RECQL: variants seen among roughly 807,000 people sequenced by gnomAD.
The protein encoded by RECQL is ATP-dependent DNA helicase Q1.
RECQL carries 73 observed loss-of-function variants against 75.8 expected under a neutral mutation model. That is an observed-to-expected ratio of 0.96 (90% CI 0.80 to 1.17). The LOEUF is 1.17. Among genes scored for constraint, RECQL ranks in the 50% most tolerant of loss-of-function variants. The pLI is 0.00. For missense variants in RECQL, 699 were observed against 772.1 expected (o/e 0.91, Z 1.12); for synonymous variants, 248 against 254.4 (o/e 0.97, Z 0.24).
rs1387312053 is a variant in RECQL, at chr12:21,490,080, C to G, written c.394+119G>C. ...AAATTTCTATTAATATAGAAGAAATCAAACAAAAATGCACTTGATTTTTAT... is the reference window on the plus strand; with the variant it reads ...AAATTTCTATTAATATAGAAGAAATGAAACAAAAATGCACTTGATTTTTAT... On this transcript the variant is annotated intron_variant, in intron 4 of 14. Transcript: ENST00000444129. 1.6e-5 allele frequency: 8 copies of G among 502,730 alleles called. No individual in the cohort carries two copies. The East Asian group carries it at 2.2e-4, about 14-fold the overall frequency. The allele number at this position is 502,730 out of a possible 1,614,324, so 31.1% of individuals were successfully genotyped here.
At chr12:21,474,050 G>A (rs950805407) in intron 11 of RECQL, among the ~76,000 whole-genome samples, 1 of 151,996 alleles carries the variant, frequency 6.6e-6, no homozygotes, top group African/African-American at 2.4e-5. Flanking sequence ...ACATATTCTT[G>A]ATAAACACTG....
chr12:21,499,407 G>C (rs558937022), intron 2 of RECQL, 148 bp downstream of exon 2: 2 of 687,050 alleles, frequency 2.9e-6, no homozygotes, highest in Admixed American at 3.1e-5. Flanking sequence ...TGGTTAGCAT[G>C]GCAAAGTTTG....
intron 5 of RECQL, among the ~76,000 whole-genome samples, chr12:21,485,762 A>T (rs148928308): frequency 2.3e-4 from 35 of 151,558 alleles, no homozygotes; most frequent in Non-Finnish European, 5.0e-4. Flanking sequence ...TATACAGATT[A>T]AAAAAAAAGA....
At chr12:21,490,440 A>G in intron 3 of RECQL, 62 bp from the exon 4 acceptor site, 1 of 1,116,172 alleles carries the variant, frequency 9.0e-7, no homozygotes, top group South Asian at 1.4e-5. Context: ...TTTGATAAGA[A>G]TGAGACAAAC....
rs1942894514 is a variant in RECQL, at chr12:21,469,999, A to C, written c.*195T>G. The C allele has an allele frequency of 1.4e-6, 1 of 698,032 alleles. No individual in the cohort carries two copies. Among genetic ancestry groups the C allele is most frequent in the South Asian group, 3.4e-5 (1 of 29,572 alleles). 43.2% of individuals were successfully genotyped at this position (698,032 alleles called of 1,614,324 possible). On this transcript the variant is annotated 3_prime_UTR_variant, in exon 15 of 15. Transcript: ENST00000444129. ...AAATTTTTCCCTTGTTTTATACTGG[A>C]AAATTATATAATTCATGATCTCTAA...
intron 2 of RECQL, among the ~76,000 whole-genome samples, chr12:21,498,404 T>C (rs1196444278): frequency 6.6e-6 from 1 of 152,182 alleles, no homozygotes; most frequent in Non-Finnish European, 1.5e-5. Context: ...AGTGAAATTT[T>C]TGCTTCCCAT....
intron 1 of RECQL, 66 bp from the exon 2 acceptor site, chr12:21,499,681 A>C: frequency 2.5e-6 from 2 of 791,768 alleles, no homozygotes; most frequent in Non-Finnish European, 4.2e-6. Flanking sequence ...ATGTTCACTC[A>C]ACAGTAATCT....
At chr12:21,479,068 G>T (rs889678645) in intron 6 of RECQL, among the ~76,000 whole-genome samples, 1 of 151,998 alleles carries the variant, frequency 6.6e-6, no homozygotes. Context: ...GCTCCGCCTC[G>T]TCCTCCTGCA....
chr12:21,470,820 T>C (rs1332193195), intron 14 of RECQL, 149 bp downstream of exon 14: 1 of 497,788 alleles, frequency 2.0e-6, no homozygotes, highest in Non-Finnish European at 3.2e-6. Flanking sequence ...CAGAAAACTA[T>C]ATTTTCTCTC....
intron 5 of RECQL, among the ~76,000 whole-genome samples, chr12:21,485,435 A>C (rs185612653): frequency 4.6e-4 from 70 of 152,096 alleles, no homozygotes; most frequent in African/African-American, 1.6e-3. Context: ...CAGTTAACCC[A>C]GTTTCTTCAA....
At position 21,498,211 on chromosome 12, in the gene RECQL, T is replaced by C. The variant is rs987683823; in HGVS notation, c.16+1344A>G. ...CAGCTAGCCTGAGAAAATAATGGAGTGGCATTTTGCAGACTCAATTATGCT... is the reference window on the plus strand; with the variant it reads ...CAGCTAGCCTGAGAAAATAATGGAGCGGCATTTTGCAGACTCAATTATGCT... On this transcript the variant is annotated intron_variant, in intron 2 of 14. Transcript: ENST00000444129. 3.0e-4 allele frequency among the ~76,000 whole-genome samples: 46 copies of C among 152,216 alleles called. 1 individual carries two copies. Among genetic ancestry groups the C allele is most frequent in the African/African-American group, 1.0e-3 (43 of 41,532 alleles).
intron 4 of RECQL, among the ~76,000 whole-genome samples, chr12:21,489,944 T>C (rs1018875008): frequency 2.0e-5 from 3 of 152,114 alleles, no homozygotes; most frequent in Admixed American, 2.0e-4. Flanking sequence ...CGATGGATCA[T>C]TAGAAGTCCA....
Position 21,490,222 on chromosome 12 carries a change from T to G in RECQL, c.371A>C (p.Gln124Pro), listed in dbSNP as rs1183902842. ...ACCATCTGAACATAATGCTGGTAAC[T>G]GGTAACATAAGCTCTTTCCACCTCC... The part of the protein sequence containing the change: ...PTGGGKSLCY[Q>P]LPALCSDGFT... The change falls in exon 4 of 15, where the codon CAG becomes CCG. Residue 124 changes from glutamine (Q) to proline (P), a missense_variant. By Grantham distance (76) the Gln-to-Pro change is moderately conservative. Transcript: ENST00000444129. 5 of 1,612,014 alleles carry G rather than the reference T, an allele frequency of 3.1e-6. No homozygotes were observed. Among genetic ancestry groups the G allele is most frequent in the Non-Finnish European group, 4.2e-6 (5 of 1,178,560 alleles).
At chr12:21,470,460 G>A (rs1942919871) in intron 14 of RECQL, 114 bp from the exon 15 acceptor site, 2 of 1,092,152 alleles carry the variant, frequency 1.8e-6, no homozygotes, top group Non-Finnish European at 1.3e-6. Flanking sequence ...GGCTTTTTAA[G>A]TATACAGGGG....
At chr12:21,499,486 AC>A in intron 2 of RECQL, 68 bp downstream of exon 2, 1 of 1,384,536 alleles carries the variant, frequency 7.2e-7, no homozygotes. Flanking sequence ...TTTAAAACAA[AC>A]TTTTTCAAAT....
rs766628859 is a variant in RECQL, at chr12:21,491,600, T to C, written c.133A>G (p.Lys45Glu). Residue 45 changes from lysine (K) to glutamate (E), a missense_variant, in exon 3 of 15, where the codon AAA (lysine) becomes GAA (glutamate). This residue lies in a region of RECQL where 669 missense variants were observed against 713.5 expected (regional missense o/e 0.94). Transcript: ENST00000444129. Reference sequence around the variant, plus strand: ...GAATCCTCTAAACACTGCTTTATTTTCTTTGTCAGGACTTTTTTTTTCTGA... The same window carrying C: ...GAATCCTCTAAACACTGCTTTATTTCCTTTGTCAGGACTTTTTTTTTCTGA... Reference protein sequence around the residue: ...LIQKKKVLTKKIKQCLEDSDA... With the variant: ...LIQKKKVLTKEIKQCLEDSDA... 1 of 1,613,952 alleles carries C rather than the reference T, an allele frequency of 6.2e-7. No homozygotes were observed. Among genetic ancestry groups the C allele is most frequent in the Non-Finnish European group, 8.5e-7 (1 of 1,179,850 alleles).
At chr12:21,498,163 C>G (rs1446069223) in intron 2 of RECQL, among the ~76,000 whole-genome samples, 2 of 152,196 alleles carry the variant, frequency 1.3e-5, no homozygotes, top group Non-Finnish European at 2.9e-5. Flanking sequence ...ACTGGTCTAA[C>G]TATGTTCACC....
chr12:21,485,210 CAAAAAA>C (rs60867895), intron 5 of RECQL, among the ~76,000 whole-genome samples: 5 of 112,764 alleles, frequency 4.4e-5, no homozygotes, highest in Non-Finnish European at 9.1e-5. Flanking sequence ...TATACTCTTG[CAAAAAA>C]AAAAAAAAAA....
At chr12:21,475,906 G>T in intron 8 of RECQL, 82 bp from the exon 9 acceptor site, 2 of 1,126,616 alleles carry the variant, frequency 1.8e-6, no homozygotes, top group South Asian at 1.3e-5. Flanking sequence ...TCAGGACATT[G>T]ATTAATACAA....
Sources: allele counts gnomAD v4.1 joint callset (sites outside exome capture counted in the v4.1 genomes callset), GRCh38; gene constraint gnomAD v4.1.1; regional missense constraint gnomAD v4.1.1; transcripts MANE v1.5; gene names NCBI Gene and HGNC (gene_info 2026-07-23, HGNC 2026-07-21).